APBB2: variants seen among roughly 807,000 people sequenced by gnomAD.
APBB2 encodes Fe65-like 1.
A neutral mutation model predicts 82.5 loss-of-function variants in APBB2; 38 were observed. The observed-to-expected ratio is 0.46, with a 90% confidence interval of 0.36 to 0.60. The LOEUF is 0.60. APBB2 is among the 20% of genes least tolerant of loss of function. The pLI is 0.00. For missense variants in APBB2, 772 were observed against 972.3 expected, an observed-to-expected ratio of 0.79 and a Z score of 2.74; for synonymous variants, 341 against 368.2, an observed-to-expected ratio of 0.93 and a Z score of 0.85.
intron 1 of APBB2, among the ~76,000 whole-genome samples, chr4:41,183,988 A>C (rs1772169323): frequency 1.3e-5 from 2 of 151,984 alleles, no homozygotes; most frequent in Admixed American, 6.6e-5. Context: ...GTTTTCCTGC[A>C]ACTAGATGGT....
intron 5 of APBB2, among the ~76,000 whole-genome samples, chr4:41,017,500 G>C (rs994876122): frequency 1.3e-5 from 2 of 152,182 alleles, no homozygotes; most frequent in Admixed American, 6.5e-5. Flanking sequence ...CAGGGTCAAG[G>C]AGAGAAAGGC....
chr4:41,051,167 C>T (rs367849259), intron 4 of APBB2, among the ~76,000 whole-genome samples: 3 of 152,282 alleles, frequency 2.0e-5, no homozygotes, highest in African/African-American at 7.2e-5. Flanking sequence ...ACACACCCAT[C>T]CCCTCCTCCT....
chr4:41,039,715 C>T (rs761587917), intron 4 of APBB2, among the ~76,000 whole-genome samples: 52 of 151,898 alleles, frequency 3.4e-4, no homozygotes, highest in Non-Finnish European at 7.4e-4. Context: ...TAAAAATTAA[C>T]TGGGCATGGT....
At chr4:40,863,997 GC>G (rs1197165323) in intron 12 of APBB2, among the ~76,000 whole-genome samples, 3 of 149,876 alleles carry the variant, frequency 2.0e-5, no homozygotes, top group African/African-American at 7.4e-5. Flanking sequence ...AGTGGCTCAC[GC>G]CTGTAATCCC....
At chr4:40,864,343 G>A (rs569999806) in intron 12 of APBB2, among the ~76,000 whole-genome samples, 88 of 152,202 alleles carry the variant, frequency 5.8e-4, no homozygotes, top group Non-Finnish European at 1.0e-3. Flanking sequence ...ACGTATATTT[G>A]TAAAAGAAAG....
At chr4:41,162,683 G>C (rs138077811) in intron 1 of APBB2, among the ~76,000 whole-genome samples, 3,125 of 152,062 alleles carry the variant, frequency 0.021, 112 homozygotes, top group African/African-American at 0.072. Context: ...GCAAGACCAT[G>C]TCTCTACAAA....
At chr4:41,113,403 A>G (rs1749893533) in intron 2 of APBB2, among the ~76,000 whole-genome samples, 1 of 152,236 alleles carries the variant, frequency 6.6e-6, no homozygotes, top group Non-Finnish European at 1.5e-5. Flanking sequence ...ACAATGCAAT[A>G]CAAAATCACG....
At chr4:41,174,136 T>C (rs1340078312) in intron 1 of APBB2, among the ~76,000 whole-genome samples, 1 of 152,094 alleles carries the variant, frequency 6.6e-6, no homozygotes, top group African/African-American at 2.4e-5. Flanking sequence ...TAAACTGCAA[T>C]AGCAGATAAA....
intron 7 of APBB2, among the ~76,000 whole-genome samples, chr4:40,940,923 C>T (rs903932636): frequency 9.2e-5 from 14 of 152,340 alleles, no homozygotes; most frequent in Non-Finnish European, 1.9e-4. Context: ...CGGGGAGGAG[C>T]ACCACGTGCT....
At chr4:40,942,962 A>C (rs1444976624) in intron 7 of APBB2, among the ~76,000 whole-genome samples, 1 of 151,918 alleles carries the variant, frequency 6.6e-6, no homozygotes, top group Non-Finnish European at 1.5e-5. Flanking sequence ...GAGTCCACAC[A>C]CCCCCGCCTG....
intron 3 of APBB2, among the ~76,000 whole-genome samples, chr4:41,071,800 A>G (rs1421376397): frequency 6.6e-6 from 1 of 152,252 alleles, no homozygotes; most frequent in African/African-American, 2.4e-5. Flanking sequence ...TTTAATTTCA[A>G]CCATAGTGGA....
At chr4:40,964,889 G>A (rs1266903847) in intron 6 of APBB2, among the ~76,000 whole-genome samples, 1 of 151,954 alleles carries the variant, frequency 6.6e-6, no homozygotes, top group African/African-American at 2.4e-5. Context: ...GGGAGGCCAA[G>A]GCGGGCAGAT....
intron 12 of APBB2, among the ~76,000 whole-genome samples, chr4:40,844,583 C>A (rs985487472): frequency 2.6e-5 from 4 of 152,166 alleles, no homozygotes; most frequent in Admixed American, 2.0e-4. Context: ...CCAGCTGATA[C>A]AGGATGCTGG....
intron 3 of APBB2, among the ~76,000 whole-genome samples, chr4:41,070,220 T>C (rs748085065): frequency 7.2e-5 from 11 of 152,208 alleles, no homozygotes; most frequent in Non-Finnish European, 1.0e-4. Flanking sequence ...TTAGTCCTAA[T>C]ATATATTTCT....
intron 12 of APBB2, among the ~76,000 whole-genome samples, chr4:40,836,805 G>A (rs1412374305): frequency 6.6e-6 from 1 of 152,162 alleles, no homozygotes. Context: ...GAGGAGTACA[G>A]GAGTTAAAAG....
At position 41,126,991 on chromosome 4, in the gene APBB2, A is replaced by G. The variant is rs191432026; in HGVS notation, c.-261+15996T>C. 4.8e-3 allele frequency among the ~76,000 whole-genome samples: 732 copies of G among 152,348 alleles called. 2 individuals are homozygous for G. Among genetic ancestry groups the G allele is most frequent in the Non-Finnish European group, 8.8e-3 (596 of 68,034 alleles). On this transcript the variant is annotated intron_variant, in intron 2 of 17. Transcript: ENST00000508593. Reference sequence around the variant, plus strand: ...ATTTTGGGGAGACACAATTCAGTCCATAACACTGTTGGAATCACTAACATG... The same window carrying G: ...ATTTTGGGGAGACACAATTCAGTCCGTAACACTGTTGGAATCACTAACATG...
chr4:40,872,196 A>G (rs1285484177), intron 12 of APBB2, among the ~76,000 whole-genome samples: 1 of 152,246 alleles, frequency 6.6e-6, no homozygotes, highest in East Asian at 1.9e-4. Context: ...TGACTTTATC[A>G]TCAGCTTTAG....
At chr4:41,048,039 A>G (rs530823627) in intron 4 of APBB2, among the ~76,000 whole-genome samples, 3 of 152,350 alleles carry the variant, frequency 2.0e-5, no homozygotes, top group East Asian at 3.9e-4. Context: ...CTTAGTTTAG[A>G]AAATTATAGT....
intron 3 of APBB2, among the ~76,000 whole-genome samples, chr4:41,073,044 A>G (rs1734405616): frequency 6.6e-6 from 1 of 152,240 alleles, no homozygotes; most frequent in Non-Finnish European, 1.5e-5. Flanking sequence ...CACCTTAATT[A>G]AGTACATAAC....
Sources: allele counts gnomAD v4.1 joint callset (sites outside exome capture counted in the v4.1 genomes callset), GRCh38; gene constraint gnomAD v4.1.1; transcripts MANE v1.5; gene names NCBI Gene and HGNC (gene_info 2026-07-23, HGNC 2026-07-21).